HOXB3: variants seen among roughly 807,000 people sequenced by gnomAD.
HOXB3 encodes homeobox B3, also known as homeobox protein Hox-B3.
Under a neutral mutation model 29.2 loss-of-function variants are expected in HOXB3, and 17 were observed. The ratio of observed to expected loss-of-function variants is 0.58; its 90% CI spans 0.40 to 0.87. The LOEUF (loss-of-function observed/expected upper bound fraction) is 0.87, where lower values mean the gene tolerates loss of function less well. HOXB3 is among the 40% of genes least tolerant of loss of function. The probability of loss-of-function intolerance (pLI) is 0.00; values close to 1 mark genes in which losing one functional copy is unlikely to be tolerated. For synonymous variants in HOXB3, 317 were observed against 285.9 expected, an observed-to-expected ratio of 1.11 and a Z score of -1.10; for missense variants, 637 against 616.3, an observed-to-expected ratio of 1.03 and a Z score of -0.35.
Position 48,550,515 on chromosome 17 carries a change from C to A in HOXB3, c.1115G>T (p.Gly372Val). 2 of 1,581,622 alleles carry A rather than the reference C, an allele frequency of 1.3e-6. No homozygotes were observed. Among genetic ancestry groups the A allele is most frequent in the Non-Finnish European group, 8.5e-7 (1 of 1,169,742 alleles). ...LPPPAGPSLYGLNHLSHHPSG... is the reference protein window; with the variant it reads ...LPPPAGPSLYVLNHLSHHPSG... ...AGGGTGATGGGAAAGGTGGTTGAGG[C>A]CATAGAGGGAGGGGCCGGCAGGGGG... Residue 372 changes from glycine (G) to valine (V), a missense_variant, in exon 5 of 5, where the codon GGC (glycine) becomes GTC (valine). By Grantham distance (109) the Gly-to-Val change is moderately radical. Coordinates refer to ENST00000498678, the MANE Select transcript of HOXB3 (RefSeq NM_001384749.1).
rs142124619 is a variant in HOXB3 at position 48,583,404 on chromosome 17, G to A, written c.-425+6721C>T. On this transcript the variant is annotated intron_variant, in intron 1 of 4. Coordinates refer to ENST00000498678, the MANE Select transcript of HOXB3 (RefSeq NM_001384749.1). ...GCATTTAAAATAGTGAGATTTTCTT[G>A]GGTTTGTCTCTCCAGGATTAGAATC... 2.5e-3 allele frequency among the ~76,000 whole-genome samples: 385 copies of A among 152,292 alleles called. 2 individuals carry two copies. The highest frequency in any genetic ancestry group is 3.0e-3 in the Admixed American group (46 of 15,300).
intron 2 of HOXB3, among the ~76,000 whole-genome samples, chr17:48,567,357 G>T (rs1327633422): frequency 2.6e-5 from 4 of 152,218 alleles, no homozygotes; most frequent in Non-Finnish European, 5.9e-5. Context: ...TACACTAGCA[G>T]GCAGAGTTAA....
chr17:48,567,280 C>T (rs750048208), intron 2 of HOXB3, among the ~76,000 whole-genome samples: 8 of 152,260 alleles, frequency 5.3e-5, no homozygotes, highest in Non-Finnish European at 8.8e-5. Context: ...TGCCACTCCA[C>T]GTAGTGGATG....
chr17:48,573,839 T>C lies in HOXB3; in HGVS notation c.-249A>G. ...AGCCCGGGCCCGGGCTTTGTTACCTTTGCGCCTCTCGCCTCCTCTCGCCCG... is the reference window on the plus strand; with the variant it reads ...AGCCCGGGCCCGGGCTTTGTTACCTCTGCGCCTCTCGCCTCCTCTCGCCCG... On this transcript the variant is annotated splice_region_variant and 5_prime_UTR_variant, in exon 2 of 5. Coordinates refer to ENST00000498678, the MANE Select transcript of HOXB3 (RefSeq NM_001384749.1). The C allele has an allele frequency of 1.4e-6, 1 of 702,178 alleles. No homozygotes were observed. Among genetic ancestry groups the C allele is most frequent in the Non-Finnish European group, 2.6e-6 (1 of 384,776 alleles). 43.5% of individuals were successfully genotyped at this position (702,178 alleles called of 1,614,324 possible). A position where few individuals can be genotyped will look rare whatever the true frequency, so the allele number is the denominator to read the frequency against.
chr17:48,561,504 A>C (rs2069197954), intron 2 of HOXB3, among the ~76,000 whole-genome samples: 1 of 152,246 alleles, frequency 6.6e-6, no homozygotes, highest in African/African-American at 2.4e-5. Flanking sequence ...GTAAACTCTG[A>C]ATATTGCAAA....
At chr17:48,563,859 T>G (rs1387312675) in intron 2 of HOXB3, among the ~76,000 whole-genome samples, 1 of 125,816 alleles carries the variant, frequency 7.9e-6, no homozygotes, top group African/African-American at 3.0e-5. Flanking sequence ...CCAACCCCAC[T>G]GCCCCTAACA....
rs993642928 is a variant in HOXB3, at chr17:48,584,063, T to G, written c.-425+6062A>C. Among the ~76,000 whole-genome samples, 4 of 152,170 alleles carry G rather than the reference T, an allele frequency of 2.6e-5. No individual in the cohort carries two copies. In the South Asian group the frequency reaches 8.3e-4, roughly 32 times the overall value. On this transcript the variant is annotated intron_variant, in intron 1 of 4. Coordinates refer to ENST00000498678, the MANE Select transcript of HOXB3 (RefSeq NM_001384749.1). Reference sequence around the variant, plus strand: ...ACAACAGTCATTTAAAGACCCAAAATAGACATATGCCCCAGTGTTATAATT... The same window carrying G: ...ACAACAGTCATTTAAAGACCCAAAAGAGACATATGCCCCAGTGTTATAATT...
chr17:48,586,484 T>C (rs977025954), intron 1 of HOXB3, among the ~76,000 whole-genome samples: 2 of 152,194 alleles, frequency 1.3e-5, no homozygotes. Flanking sequence ...TAATGTATGC[T>C]GCAGCGGCTC....
intron 2 of HOXB3, among the ~76,000 whole-genome samples, chr17:48,562,480 A>G (rs1005653669): frequency 2.0e-5 from 3 of 151,866 alleles, no homozygotes; most frequent in African/African-American, 4.8e-5. Context: ...CCTACCCCCA[A>G]AGCTGTGCTG....
chr17:48,571,670 G>A (rs553954639), intron 2 of HOXB3, among the ~76,000 whole-genome samples: 1 of 152,270 alleles, frequency 6.6e-6, no homozygotes, highest in South Asian at 2.1e-4. Context: ...CCTGTAGAAG[G>A]CCCACAACTG....
intron 2 of HOXB3, among the ~76,000 whole-genome samples, chr17:48,564,789 A>C (rs2069332807): frequency 6.6e-6 from 1 of 152,208 alleles, no homozygotes; most frequent in Non-Finnish European, 1.5e-5. Flanking sequence ...TGGGCAGGAC[A>C]GGAGTGGGGA....
At chr17:48,568,534 G>A (rs908834047) in intron 2 of HOXB3, among the ~76,000 whole-genome samples, 1 of 151,990 alleles carries the variant, frequency 6.6e-6, no homozygotes, top group Non-Finnish European at 1.5e-5. Context: ...CCGGCCGGCC[G>A]CAGAAACAGC....
At chr17:48,578,139 T>TGCACGCC in intron 1 of HOXB3, 2 of 1,555,740 alleles carry the variant, frequency 1.3e-6, no homozygotes, top group Non-Finnish European at 1.8e-6. Flanking sequence ...CGCTGCACGG[T>TGCACGCC]GCACGCCGCG....
At chr17:48,582,848 A>T (rs1324176822) in intron 1 of HOXB3, among the ~76,000 whole-genome samples, 1 of 152,138 alleles carries the variant, frequency 6.6e-6, no homozygotes, top group East Asian at 1.9e-4. Context: ...ATATTTTGTC[A>T]GCTCGGGTTC....
intron 3 of HOXB3, chr17:48,553,468 TC>T (rs1391442920): frequency 6.6e-6 from 1 of 151,712 alleles, no homozygotes; most frequent in Non-Finnish European, 1.5e-5. Context: ...TTTTTTTTTT[TC>T]ATGAGACTTA....
chr17:48,582,280 G>A (rs2069961967), intron 1 of HOXB3: 1 of 152,334 alleles, frequency 6.6e-6, no homozygotes, highest in African/African-American at 2.4e-5. Flanking sequence ...GGGCGCGGGC[G>A]AGGGTACTCA....
chr17:48,578,204 G>C, intron 1 of HOXB3: 1 of 1,613,682 alleles, frequency 6.2e-7, no homozygotes, highest in East Asian at 2.2e-5. Context: ...CTGGCCGCCG[G>C]CGTAGTACCC....
intron 2 of HOXB3, among the ~76,000 whole-genome samples, chr17:48,573,165 A>C (rs2069641995): frequency 6.6e-6 from 1 of 152,186 alleles, no homozygotes; most frequent in East Asian, 1.9e-4. Flanking sequence ...CTCCAGGAAG[A>C]AGGCTGGGGG....
At chr17:48,587,444 T>TCC in intron 1 of HOXB3, among the ~76,000 whole-genome samples, 1 of 152,120 alleles carries the variant, frequency 6.6e-6, no homozygotes, top group Non-Finnish European at 1.5e-5. Context: ...ACCAGGTTGG[T>TCC]CCCCCAAGCT....
Sources: allele counts gnomAD v4.1 joint callset (sites outside exome capture counted in the v4.1 genomes callset), GRCh38; gene constraint gnomAD v4.1.1; transcripts MANE v1.5; gene names NCBI Gene and HGNC (gene_info 2026-07-23, HGNC 2026-07-21).